The following DSCAM variants were observed in gnomAD, a reference collection of about 807,000 sequenced individuals.
The protein encoded by DSCAM is cell adhesion molecule DSCAM.
A neutral mutation model predicts 217.7 loss-of-function variants in DSCAM; 47 were observed. The ratio of observed to expected loss-of-function variants is 0.22; its 90% CI spans 0.17 to 0.28. The LOEUF (loss-of-function observed/expected upper bound fraction) is 0.28. DSCAM is among the 10% of genes least tolerant of loss of function. The pLI is 1.00. For synonymous variants in DSCAM, 1,056 were observed against 1,015.3 expected (o/e 1.04, Z -0.76); for missense variants, 2,080 against 2,618.3 (o/e 0.79, Z 4.49).
intron 3 of DSCAM, among the ~76,000 whole-genome samples, chr21:40,617,015 T>C (rs1180810761): frequency 1.6e-4 from 6 of 36,554 alleles, no homozygotes; most frequent in Middle Eastern, 0.023. Context: ...AGACTCCGTC[T>C]CAAAAAAAAA....
chr21:40,654,094 C>CA (rs1479399594), intron 3 of DSCAM, among the ~76,000 whole-genome samples: 2,667 of 100,772 alleles, frequency 0.026, 96 homozygotes, highest in African/African-American at 0.12. Context: ...GATTCCATCT[C>CA]AAAAAGAAAA....
intron 30 of DSCAM, among the ~76,000 whole-genome samples, chr21:40,051,153 A>G (rs1048829799): frequency 5.3e-5 from 8 of 152,170 alleles, no homozygotes; most frequent in African/African-American, 1.7e-4. Flanking sequence ...AATTTTTGCA[A>G]AGAAATTGAT....
chr21:40,742,783 C>T (rs1479978801), intron 1 of DSCAM, among the ~76,000 whole-genome samples: 1 of 152,124 alleles, frequency 6.6e-6, no homozygotes, highest in East Asian at 1.9e-4. Flanking sequence ...ATCATCATCA[C>T]CAGATTCATT....
intron 8 of DSCAM, among the ~76,000 whole-genome samples, chr21:40,319,491 A>G (rs1427888727): frequency 6.6e-6 from 1 of 152,028 alleles, no homozygotes; most frequent in Non-Finnish European, 1.5e-5. Context: ...TCATCTACCA[A>G]TGGACACTTA....
chr21:40,043,529 C>T lies in DSCAM; in HGVS notation c.5383+549G>A, dbSNP rs118115017. 6.7e-3 allele frequency among the ~76,000 whole-genome samples: 1,015 copies of T among 152,222 alleles called. 4 individuals carry two copies. Among genetic ancestry groups the T allele is most frequent in the Middle Eastern group, 0.027 (8 of 294 alleles). On this transcript the variant is annotated intron_variant, in intron 31 of 32. Transcript: ENST00000400454. Reference sequence around the variant, plus strand: ...ATTTAAGAGGGGGTGGTGGGCAACCCGGTGCTATTCTTAGGGCCTGTCTTC... The same window carrying T: ...ATTTAAGAGGGGGTGGTGGGCAACCTGGTGCTATTCTTAGGGCCTGTCTTC...
intron 3 of DSCAM, among the ~76,000 whole-genome samples, chr21:40,555,648 T>A (rs2076665591): frequency 1.3e-5 from 2 of 152,230 alleles, no homozygotes; most frequent in African/African-American, 4.8e-5. Context: ...GTTTGTTTTT[T>A]AAGACACAGC....
chr21:40,806,519 C>T (rs1178212645), intron 1 of DSCAM, among the ~76,000 whole-genome samples: 1 of 152,134 alleles, frequency 6.6e-6, no homozygotes, highest in Admixed American at 6.5e-5. Flanking sequence ...TAATTTATTT[C>T]CAAATCCTAG....
At chr21:40,573,155 TTGAAACC>T (rs891322586) in intron 3 of DSCAM, among the ~76,000 whole-genome samples, 8 of 151,962 alleles carry the variant, frequency 5.3e-5, no homozygotes, top group Middle Eastern at 3.4e-3. Flanking sequence ...GGCTAACACA[TTGAAACC>T]CCGTCTCTAC....
chr21:40,574,963 T>C (rs1053807152), intron 3 of DSCAM, among the ~76,000 whole-genome samples: 4 of 152,170 alleles, frequency 2.6e-5, no homozygotes, highest in Admixed American at 2.6e-4. Flanking sequence ...AACAACCATA[T>C]TGTCAGGCCT....
At chr21:40,560,525 T>C (rs2015585) in intron 3 of DSCAM, among the ~76,000 whole-genome samples, 16,775 of 152,270 alleles carry the variant, frequency 0.11, 1,147 homozygotes, top group East Asian at 0.3. Flanking sequence ...CCGTTGTTAA[T>C]ACAGCGACTC....
rs76206312 is a variant in DSCAM at position 40,134,071 on chromosome 21, G to A, written c.3407-62C>T. ...TGAGCCCATTTCTGCTCGTTTTTCC[G>A]CACTGTCCCCACTGACTGTCCCTGT... On this transcript the variant is annotated intron_variant, in intron 18 of 32. Coordinates refer to ENST00000400454, the MANE Select transcript of DSCAM (RefSeq NM_001389.5). The A allele has an allele frequency of 3.9e-3, 6,111 of 1,552,452 alleles. 211 individuals carry two copies. In the African/African-American group the frequency reaches 0.07, roughly 18 times the overall value.
chr21:40,531,208 C>T (rs528972953), intron 3 of DSCAM, among the ~76,000 whole-genome samples: 2 of 152,286 alleles, frequency 1.3e-5, no homozygotes, highest in South Asian at 2.1e-4. Context: ...CCTGCTGGCA[C>T]CTGCAGCTTG....
chr21:40,387,034 A>ATT (rs2075092723), intron 3 of DSCAM, among the ~76,000 whole-genome samples: 3 of 152,022 alleles, frequency 2.0e-5, no homozygotes, highest in Non-Finnish European at 4.4e-5. Context: ...AGCAACTTCC[A>ATT]TTTCTGACTA....
At chr21:40,226,646 T>C (rs529307037) in intron 11 of DSCAM, among the ~76,000 whole-genome samples, 2 of 152,210 alleles carry the variant, frequency 1.3e-5, no homozygotes, top group African/African-American at 4.8e-5. Flanking sequence ...CATTCTCTAA[T>C]GTTTAGAGAC....
At chr21:40,469,276 C>A (rs560804217) in intron 3 of DSCAM, among the ~76,000 whole-genome samples, 2 of 152,120 alleles carry the variant, frequency 1.3e-5, no homozygotes, top group South Asian at 4.1e-4. Flanking sequence ...CTCATGCATC[C>A]TTTCTCAGAA....
At chr21:40,629,077 GT>G (rs1468204163) in intron 3 of DSCAM, among the ~76,000 whole-genome samples, 4 of 1,118 alleles carry the variant, frequency 3.6e-3, no homozygotes, top group African/African-American at 0.013. Context: ...TGTGTGTGTG[GT>G]GTGTGTGTGT....
chr21:40,098,603 C>A (rs893596108), intron 20 of DSCAM, among the ~76,000 whole-genome samples: 1 of 152,232 alleles, frequency 6.6e-6, no homozygotes, highest in African/African-American at 2.4e-5. Flanking sequence ...TTTCAATAAA[C>A]CTTACATGCC....
At chr21:40,028,700 G>C (rs933995890) in intron 32 of DSCAM, among the ~76,000 whole-genome samples, 1 of 152,170 alleles carries the variant, frequency 6.6e-6, no homozygotes, top group African/African-American at 2.4e-5. Context: ...GCCTCGCTCT[G>C]CTTCGGCTCA....
chr21:40,178,398 T>TATTACAAAC (rs1340878970), intron 15 of DSCAM, among the ~76,000 whole-genome samples: 1 of 152,224 alleles, frequency 6.6e-6, no homozygotes, highest in Non-Finnish European at 1.5e-5. Flanking sequence ...TTTGCAACAC[T>TATTACAAAC]AAATATAATG....
Sources: gnomAD v4.1 joint callset for allele counts (sites outside exome capture counted in the v4.1 genomes callset) on GRCh38, gnomAD v4.1.1 for gene constraint, MANE v1.5 for transcripts, NCBI Gene and HGNC (gene_info 2026-07-23, HGNC 2026-07-21) for gene names.